The following CELSR1 variants were observed in gnomAD, a reference collection of about 807,000 sequenced individuals.
CELSR1 encodes cadherin EGF LAG seven-pass G-type receptor 1.
CELSR1 carries 110 observed loss-of-function variants against 249.1 expected under a neutral mutation model. That is an observed-to-expected ratio of 0.44 (90% CI 0.38 to 0.52). The LOEUF is 0.52. CELSR1 is among the 20% of genes least tolerant of loss of function. The pLI is 0.00. For synonymous variants in CELSR1, 2,113 were observed against 1,900.0 expected, an observed-to-expected ratio of 1.11 and a Z score of -2.92; for missense variants, 4,109 against 4,296.4, an observed-to-expected ratio of 0.96 and a Z score of 1.22.
chr22:46,529,764 C>T lies in CELSR1; in HGVS notation c.3544+3863G>A, dbSNP rs143465086. ...GTTGCAGTGAGCCGAGATCATGTCA[C>T]TGCACTCTAGGCTGGGAGATACAGT... On this transcript the variant is annotated intron_variant, in intron 1 of 34. Transcript: ENST00000674500. Among the ~76,000 whole-genome samples, 1,074 of 151,522 alleles carry T rather than the reference C, an allele frequency of 7.1e-3. 9 individuals carry two copies. The highest frequency in any genetic ancestry group is 0.012 in the Non-Finnish European group (830 of 67,924).
At chr22:46,456,358 T>C (rs994269772) in intron 2 of CELSR1, among the ~76,000 whole-genome samples, 6 of 152,080 alleles carry the variant, frequency 3.9e-5, no homozygotes, top group African/African-American at 1.4e-4. Flanking sequence ...CCCATGACTC[T>C]GATAAGAGAA....
chr22:46,419,443 C>A (rs909543554), intron 5 of CELSR1, among the ~76,000 whole-genome samples: 2 of 152,142 alleles, frequency 1.3e-5, no homozygotes, highest in African/African-American at 2.4e-5. Flanking sequence ...ATGCTACTCC[C>A]AGCTAGAGAA....
chr22:46,466,114 G>C (rs990162575), intron 1 of CELSR1, among the ~76,000 whole-genome samples: 2 of 152,222 alleles, frequency 1.3e-5, no homozygotes, highest in Non-Finnish European at 2.9e-5. Flanking sequence ...CAGCCCAGAG[G>C]GCGTCCGCAG....
In CELSR1 at chr22:46,510,380, G is replaced by T. The variant is rs1052656474; in HGVS notation, c.3544+23247C>A. Among the ~76,000 whole-genome samples, 10 of 152,112 alleles carry T rather than the reference G, an allele frequency of 6.6e-5. No individual in the cohort carries two copies. The East Asian group carries it at 1.7e-3, about 27-fold the overall frequency. On this transcript the variant is annotated intron_variant, in intron 1 of 34. Coordinates refer to ENST00000674500, the MANE Select transcript of CELSR1 (RefSeq NM_001378328.1). ...GGAGGCTGGAACGCACCCCCTTCCCGGAGCTTCCCCTTGGAGGTAATTAAA... is the reference window on the plus strand; with the variant it reads ...GGAGGCTGGAACGCACCCCCTTCCCTGAGCTTCCCCTTGGAGGTAATTAAA...
Position 46,535,140 on chromosome 22 carries a change from C to A in CELSR1, c.2031G>T (p.Val677=). The change falls in exon 1 of 35, where the codon GTG becomes GTT. Residue 677 remains valine, a synonymous_variant. Coordinates refer to ENST00000674500, the MANE Select transcript of CELSR1 (RefSeq NM_001378328.1). ...MSSSTSVSIT[V]LDVNDNDPVF... ...CCGGGTCGTTGTCATTCACGTCCAGCACCGTGATGGACACGCTGGTGGAGG... is the reference window on the plus strand; with the variant it reads ...CCGGGTCGTTGTCATTCACGTCCAGAACCGTGATGGACACGCTGGTGGAGG... The A allele has an allele frequency of 6.2e-7, 1 of 1,610,558 alleles. No homozygotes were observed.
rs1361085403 is a variant in CELSR1, at chr22:46,517,047, G to C, written c.3544+16580C>G. On this transcript the variant is annotated intron_variant, in intron 1 of 34. Transcript: ENST00000674500. This position sits in a 1 kb window ranked among gnomAD's most constrained non-coding sequence, Gnocchi z 5.4. ...TGGGCTCATCCACTTCCTGAGGCTG[G>C]TGACTCTGGGGGAAGAATCCAGAGG... 6.6e-6 allele frequency among the ~76,000 whole-genome samples: 1 copy of C among 152,256 alleles called. No individual in the cohort carries two copies. Among genetic ancestry groups the C allele is most frequent in the East Asian group, 1.9e-4 (1 of 5,200 alleles).
chr22:46,451,309 C>A (rs1341258103), intron 2 of CELSR1, among the ~76,000 whole-genome samples: 1 of 152,248 alleles, frequency 6.6e-6, no homozygotes, highest in East Asian at 1.9e-4. Context: ...CCCGGCACTG[C>A]AGAAGCCGCT....
In CELSR1 at chr22:46,391,382, G is replaced by A. The variant is rs902538526; in HGVS notation, c.6149-95C>T. ...GTCTGCATGCGCCTCCCTGCAGGAG[G>A]CCCTGCTCCCACCAAGAACCGAACC... On this transcript the variant is annotated intron_variant, in intron 15 of 34. Coordinates refer to ENST00000674500, the MANE Select transcript of CELSR1 (RefSeq NM_001378328.1). The surrounding 1 kb of genome is among the most constrained non-coding windows in gnomAD (Gnocchi z 4.3). 2.8e-5 allele frequency: 32 copies of A among 1,130,332 alleles called. No homozygotes were observed. The African/African-American group carries it at 3.0e-4, about 10-fold the overall frequency. The allele number at this position is 1,130,332 out of a possible 1,614,324, so 70.0% of individuals were successfully genotyped here.
At chr22:46,504,565 C>T (rs5768857) in intron 1 of CELSR1, among the ~76,000 whole-genome samples, 123,172 of 150,534 alleles carry the variant, frequency 0.82, 50,543 homozygotes, top group East Asian at 0.98. Context: ...AAAACTGCAT[C>T]TTCCCCAAAG....
intron 1 of CELSR1, among the ~76,000 whole-genome samples, chr22:46,504,071 A>G (rs949175687): frequency 6.6e-6 from 1 of 152,214 alleles, no homozygotes; most frequent in Non-Finnish European, 1.5e-5. Context: ...TAAGACCTAC[A>G]TGGCAAAAGA....
At chr22:46,432,436 A>C in intron 5 of CELSR1, among the ~76,000 whole-genome samples, 1 of 152,176 alleles carries the variant, frequency 6.6e-6, no homozygotes. Context: ...AGCCTTGTGA[A>C]GTCCGGGAAG....
rs763814191 is a variant in CELSR1 at position 46,430,359 on chromosome 22, T to C, written c.4611+3034A>G. ...GGTGTGGCAGGTAAATGGAGCGTGC[T>C]GGGGCAAGGACACAGCTGGGCGGGG... On this transcript the variant is annotated intron_variant, in intron 5 of 34. Transcript: ENST00000674500. This position sits in a 1 kb window ranked among gnomAD's most constrained non-coding sequence, Gnocchi z 4.6. Among the ~76,000 whole-genome samples the C allele has an allele frequency of 5.1e-4, 78 of 152,224 alleles. No individual in the cohort carries two copies. The highest frequency in any genetic ancestry group is 8.1e-4 in the Non-Finnish European group (55 of 68,002).
At chr22:46,467,506 G>GTTAT (rs2080109510) in intron 1 of CELSR1, among the ~76,000 whole-genome samples, 1 of 135,774 alleles carries the variant, frequency 7.4e-6, no homozygotes, top group Non-Finnish European at 1.6e-5. Flanking sequence ...GCACGAACAT[G>GTTAT]TTATATATAT....
chr22:46,382,476 C>T (rs1049890786), intron 20 of CELSR1, among the ~76,000 whole-genome samples: 9 of 152,286 alleles, frequency 5.9e-5, no homozygotes, highest in South Asian at 4.1e-4. Context: ...CAGAGTTTCA[C>T]CTTGTTAGCC....
chr22:46,366,912 G>A, intron 29 of CELSR1, 81 bp downstream of exon 29: 1 of 1,516,910 alleles, frequency 6.6e-7, no homozygotes, highest in Admixed American at 2.0e-5. Flanking sequence ...CGCAGGACTG[G>A]GGCTGAGGCT....
chr22:46,523,950 C>T (rs2080711811), intron 1 of CELSR1, among the ~76,000 whole-genome samples: 1 of 152,218 alleles, frequency 6.6e-6, no homozygotes, highest in Admixed American at 6.5e-5. Context: ...GCCACTGTCG[C>T]CCACCCCCAC....
In CELSR1 at chr22:46,413,486, A is replaced by G. The variant is rs929142793; in HGVS notation, c.4612-1727T>C. Among the ~76,000 whole-genome samples, 8 of 152,234 alleles carry G rather than the reference A, an allele frequency of 5.3e-5. No individual in the cohort carries two copies. Among genetic ancestry groups the G allele is most frequent in the Non-Finnish European group, 1.0e-4 (7 of 68,048 alleles). ...GTACCTCAATTTCTTTTTGTGCAAG[A>G]TAACGATTTACTATTAGAACACACG... On this transcript the variant is annotated intron_variant, in intron 5 of 34. Coordinates refer to ENST00000674500, the MANE Select transcript of CELSR1 (RefSeq NM_001378328.1). This position sits in a 1 kb window ranked among gnomAD's most constrained non-coding sequence, Gnocchi z 4.7.
chr22:46,476,645 G>T (rs1364834155), intron 1 of CELSR1, among the ~76,000 whole-genome samples: 1 of 150,142 alleles, frequency 6.7e-6, no homozygotes, highest in Admixed American at 6.6e-5. Context: ...CAACGTGCAT[G>T]AAACTCACAA....
rs1233026723 is a variant in CELSR1, at chr22:46,534,264, C to T, written c.2907G>A (p.Leu969=). The change falls in exon 1 of 35, where the codon CTG becomes CTA. Residue 969 remains leucine (L), a synonymous_variant. Coordinates refer to ENST00000674500, the MANE Select transcript of CELSR1 (RefSeq NM_001378328.1). The surrounding 1 kb of genome is among the most constrained non-coding windows in gnomAD (Gnocchi z 9.7). The stretch of plus-strand genomic sequence containing the variant: ...GAGTGGGACTGCCCCGATCCACAGC[C>T]AGAGCCCAAAGGTTGTACACGGCCA... The part of the protein sequence containing the change: ...ENVAVYNLWA[L]AVDRGSPTPL... 1.2e-6 allele frequency: 2 copies of T among 1,613,348 alleles called. No individual in the cohort carries two copies. The highest frequency in any genetic ancestry group is 1.3e-5 in the African/African-American group (1 of 74,942).
Sources: allele counts gnomAD v4.1 joint callset (sites outside exome capture counted in the v4.1 genomes callset), GRCh38; gene constraint gnomAD v4.1.1; non-coding constraint Gnocchi (gnomAD v3.1); transcripts MANE v1.5; gene names NCBI Gene and HGNC (gene_info 2026-07-23, HGNC 2026-07-21).